LRFN2: variants seen among roughly 807,000 people sequenced by gnomAD.
LRFN2 encodes leucine rich repeat and fibronectin type III domain containing 2.
Under a neutral mutation model 37.3 loss-of-function variants are expected in LRFN2, and 18 were observed. The ratio of observed to expected loss-of-function variants is 0.48; its 90% confidence interval spans 0.33 to 0.72. The LOEUF is 0.72. Ranked by LOEUF, LRFN2 falls within the 30% of genes least tolerant of loss-of-function variation. The probability of loss-of-function intolerance (pLI) is 0.02; values close to 1 mark genes in which losing one functional copy is unlikely to be tolerated. For synonymous variants in LRFN2, 556 were observed against 466.6 expected, an observed-to-expected ratio of 1.19 and a Z score of -2.47; for missense variants, 1,006 against 1,060.7, an observed-to-expected ratio of 0.95 and a Z score of 0.72.
chr6:40,448,654 A>T (rs1764029661), intron 1 of LRFN2, among the ~76,000 whole-genome samples: 2 of 152,324 alleles, frequency 1.3e-5, no homozygotes, highest in South Asian at 4.1e-4. Context: ...TCGCTAATGA[A>T]TTTTTAGGCA....
intron 2 of LRFN2, among the ~76,000 whole-genome samples, chr6:40,403,138 C>T (rs1762775511): frequency 6.6e-6 from 1 of 152,088 alleles, no homozygotes. Flanking sequence ...GATTCTGAGG[C>T]TGTGTTTAAA....
At chr6:40,539,402 G>T (rs1210256635) in intron 1 of LRFN2, among the ~76,000 whole-genome samples, 1 of 152,154 alleles carries the variant, frequency 6.6e-6, no homozygotes, top group East Asian at 1.9e-4. Context: ...GGAGAATAGA[G>T]GAATAAATAA....
chr6:40,446,121 G>A (rs918883284), intron 1 of LRFN2, among the ~76,000 whole-genome samples: 5 of 152,318 alleles, frequency 3.3e-5, no homozygotes, highest in African/African-American at 1.2e-4. Context: ...CTCACCATTA[G>A]TTTAGGAAAT....
chr6:40,553,340 C>G (rs1215793374), intron 1 of LRFN2, among the ~76,000 whole-genome samples: 1 of 152,150 alleles, frequency 6.6e-6, no homozygotes, highest in Admixed American at 6.6e-5. Flanking sequence ...ACCTACCCAG[C>G]AGAGGAAAAA....
chr6:40,576,318 G>A (rs1410576548), intron 1 of LRFN2, among the ~76,000 whole-genome samples: 1 of 134,618 alleles, frequency 7.4e-6, no homozygotes, highest in Admixed American at 7.5e-5. Context: ...ATTGGAGAGA[G>A]ACAAGACAGA....
intron 2 of LRFN2, among the ~76,000 whole-genome samples, chr6:40,399,295 T>C (rs1016869065): frequency 6.6e-6 from 1 of 151,540 alleles, no homozygotes; most frequent in South Asian, 2.1e-4. Flanking sequence ...TGCTAATCTC[T>C]ATAGCGCCTC....
chr6:40,458,229 A>G lies in LRFN2; in HGVS notation c.-18-25098T>C, dbSNP rs115590496. Reference sequence around the variant, plus strand: ...CAGTGAGGAACAGATGAAACCACTGATAACTGCTTTGTAGTAAACACGAAT... The same window carrying G: ...CAGTGAGGAACAGATGAAACCACTGGTAACTGCTTTGTAGTAAACACGAAT... On this transcript the variant is annotated intron_variant, in intron 1 of 2. Coordinates refer to ENST00000338305, the MANE Select transcript of LRFN2 (RefSeq NM_020737.3). Among the ~76,000 whole-genome samples, 747 of 152,346 alleles carry G rather than the reference A, an allele frequency of 4.9e-3. 13 individuals carry two copies. Among genetic ancestry groups the G allele is most frequent in the African/African-American group, 0.016 (679 of 41,576 alleles).
At chr6:40,478,825 T>C (rs1764763873) in intron 1 of LRFN2, among the ~76,000 whole-genome samples, 1 of 152,260 alleles carries the variant, frequency 6.6e-6, no homozygotes, top group African/African-American at 2.4e-5. Context: ...ACATTTTCTA[T>C]TGATACATTT....
chr6:40,476,890 G>A (rs565199537), intron 1 of LRFN2, among the ~76,000 whole-genome samples: 2 of 152,300 alleles, frequency 1.3e-5, no homozygotes, highest in East Asian at 1.9e-4. Context: ...ATCAGGAGTG[G>A]CATCCTATTT....
intron 1 of LRFN2, among the ~76,000 whole-genome samples, chr6:40,528,259 G>A (rs1221938012): frequency 6.6e-6 from 1 of 152,278 alleles, no homozygotes; most frequent in African/African-American, 2.4e-5. Flanking sequence ...GCCTGCCGAA[G>A]TGGAGCTGCA....
chr6:40,535,945 C>T (rs962101122), intron 1 of LRFN2, among the ~76,000 whole-genome samples: 1 of 152,016 alleles, frequency 6.6e-6, no homozygotes, highest in Non-Finnish European at 1.5e-5. Context: ...GCAGCTGGCT[C>T]AGCGATGCAG....
At chr6:40,530,083 G>C (rs1181810430) in intron 1 of LRFN2, among the ~76,000 whole-genome samples, 1 of 152,228 alleles carries the variant, frequency 6.6e-6, no homozygotes, top group East Asian at 1.9e-4. Context: ...GGCCCAGAGA[G>C]AGTCGTCGCA....
At chr6:40,529,577 C>G (rs1188172000) in intron 1 of LRFN2, among the ~76,000 whole-genome samples, 1 of 152,168 alleles carries the variant, frequency 6.6e-6, no homozygotes, top group Non-Finnish European at 1.5e-5. Context: ...AAATAAAGAG[C>G]CTATGGACTG....
intron 1 of LRFN2, among the ~76,000 whole-genome samples, chr6:40,535,582 A>G (rs960939827): frequency 6.6e-6 from 1 of 152,078 alleles, no homozygotes; most frequent in Non-Finnish European, 1.5e-5. Flanking sequence ...TCTCCTCCCC[A>G]TCCAGACACA....
intron 1 of LRFN2, among the ~76,000 whole-genome samples, chr6:40,508,565 T>G (rs73734510): frequency 0.12 from 17,813 of 152,212 alleles, 1,800 homozygotes; most frequent in African/African-American, 0.27. Context: ...CAAATTCTTG[T>G]TCTACTGCAT....
intron 1 of LRFN2, chr6:40,516,186 C>T (rs1228624626): frequency 6.6e-6 from 1 of 152,144 alleles, no homozygotes; most frequent in Non-Finnish European, 1.5e-5. Context: ...GACTAAGAAA[C>T]CCCTTCAGGC....
chr6:40,572,319 G>C (rs1767203654), intron 1 of LRFN2, among the ~76,000 whole-genome samples: 1 of 152,190 alleles, frequency 6.6e-6, no homozygotes, highest in Non-Finnish European at 1.5e-5. Flanking sequence ...ATGAACATCA[G>C]AGAGAACTTT....
intron 1 of LRFN2, among the ~76,000 whole-genome samples, chr6:40,537,862 C>T (rs1766480019): frequency 6.6e-6 from 1 of 152,024 alleles, no homozygotes; most frequent in African/African-American, 2.4e-5. Flanking sequence ...CCCCTCCCAG[C>T]CCCTTTAATG....
chr6:40,469,408 A>G (rs1409969174), intron 1 of LRFN2, among the ~76,000 whole-genome samples: 3 of 152,080 alleles, frequency 2.0e-5, no homozygotes, highest in Non-Finnish European at 2.9e-5. Context: ...TCATCTTTGG[A>G]CAGGAAACCT....
Sources: gnomAD v4.1 joint callset for allele counts (sites outside exome capture counted in the v4.1 genomes callset) on GRCh38, gnomAD v4.1.1 for gene constraint, MANE v1.5 for transcripts, NCBI Gene and HGNC (gene_info 2026-07-23, HGNC 2026-07-21) for gene names.